The following ATP9B variants were observed in gnomAD, a reference collection of about 807,000 sequenced individuals.
ATP9B encodes ATPase phospholipid transporting 9B, also known as probable phospholipid-transporting ATPase IIB.
In ATP9B, 110 loss-of-function variants were observed where a neutral mutation model predicts 146.1. That is an observed-to-expected ratio of 0.75 (90% CI 0.65 to 0.88). ATP9B has a LOEUF of 0.88. Among genes scored for constraint, ATP9B ranks in the 40% least tolerant of loss-of-function variants. The probability of loss-of-function intolerance (pLI) is 0.00; values close to 1 mark genes in which losing one functional copy is unlikely to be tolerated. For missense variants in ATP9B, 1,499 were observed against 1,496.4 expected, an observed-to-expected ratio of 1.00 and a Z score of -0.03; for synonymous variants, 604 against 569.7, an observed-to-expected ratio of 1.06 and a Z score of -0.86.
In ATP9B at chr18:79,114,051, A is replaced by G. The variant is rs559577612; in HGVS notation, c.558+697A>G. ...AGTGGCACAATCTCGGCCCACTGCA[A>G]CCTCCGCCTCCCGGGTGCAAGCAGT... is the stretch of plus-strand genomic sequence containing the variant. On this transcript the variant is annotated intron_variant, in intron 4 of 29. Transcript: ENST00000426216. Among the ~76,000 whole-genome samples the G allele has an allele frequency of 2.0e-5, 3 of 152,098 alleles. No individual in the cohort carries two copies. The East Asian group carries it at 5.8e-4, about 29-fold the overall frequency.
intron 11 of ATP9B, among the ~76,000 whole-genome samples, chr18:79,227,154 C>T (rs1257908712): frequency 2.0e-5 from 3 of 152,140 alleles, no homozygotes; most frequent in African/African-American, 7.2e-5. Context: ...CTCTGTCGTA[C>T]TATCATGAAC....
At chr18:79,238,132 G>A (rs1459186700) in intron 11 of ATP9B, among the ~76,000 whole-genome samples, 1 of 151,930 alleles carries the variant, frequency 6.6e-6, no homozygotes, top group East Asian at 1.9e-4. Context: ...CAAATTGATT[G>A]CCTACAATAA....
chr18:79,328,618 T>C (rs1245787888), intron 15 of ATP9B, among the ~76,000 whole-genome samples: 1 of 152,236 alleles, frequency 6.6e-6, no homozygotes, highest in African/African-American at 2.4e-5. Context: ...TCTCCTTGTC[T>C]ATCTTGTCTC....
chr18:79,373,736 G>C (rs112928528), intron 27 of ATP9B, among the ~76,000 whole-genome samples, 162 bp from the exon 28 acceptor site: 1 of 152,112 alleles, frequency 6.6e-6, no homozygotes, highest in African/African-American at 2.4e-5. Context: ...TGATCCACCC[G>C]CCTCAGCCTC....
At chr18:79,114,608 A>T (rs978995577) in intron 4 of ATP9B, among the ~76,000 whole-genome samples, 3 of 152,190 alleles carry the variant, frequency 2.0e-5, no homozygotes, top group African/African-American at 4.8e-5. Flanking sequence ...CATAGACTTC[A>T]TAGTAGGGTG....
chr18:79,315,930 CATT>C (rs2096677302), intron 15 of ATP9B, among the ~76,000 whole-genome samples: 1 of 152,198 alleles, frequency 6.6e-6, no homozygotes, highest in Non-Finnish European at 1.5e-5. Context: ...TCAAGAATCA[CATT>C]ATTAGAGATT....
chr18:79,088,653 C>T (rs545272814), intron 1 of ATP9B, among the ~76,000 whole-genome samples: 9 of 152,284 alleles, frequency 5.9e-5, no homozygotes, highest in African/African-American at 1.7e-4. Context: ...GCCATTTCTC[C>T]TAACACATTT....
chr18:79,173,083 T>C (rs1024192416), intron 7 of ATP9B, among the ~76,000 whole-genome samples: 1 of 152,232 alleles, frequency 6.6e-6, no homozygotes, highest in African/African-American at 2.4e-5. Context: ...CGTTCCGTTA[T>C]GGCTGGCGAC....
At chr18:79,336,530 C>T in intron 17 of ATP9B, 98 bp from the exon 18 acceptor site, 3 of 1,092,918 alleles carry the variant, frequency 2.7e-6, no homozygotes, top group South Asian at 1.4e-5. Flanking sequence ...GACATGAGGG[C>T]AGGGCACCAG....
intron 5 of ATP9B, among the ~76,000 whole-genome samples, chr18:79,134,024 C>T (rs914692027): frequency 6.6e-6 from 1 of 152,236 alleles, no homozygotes; most frequent in Non-Finnish European, 1.5e-5. Flanking sequence ...TCCAAAAGTG[C>T]ATCTGATGCC....
intron 1 of ATP9B, among the ~76,000 whole-genome samples, chr18:79,081,358 G>A (rs1251744607): frequency 6.6e-6 from 1 of 152,098 alleles, no homozygotes; most frequent in Non-Finnish European, 1.5e-5. Context: ...GAGGGTATAT[G>A]TGTCCAGGAA....
At chr18:79,076,630 T>G (rs1035964510) in intron 1 of ATP9B, among the ~76,000 whole-genome samples, 2 of 152,210 alleles carry the variant, frequency 1.3e-5, no homozygotes, top group Non-Finnish European at 2.9e-5. Context: ...GGTCTTGGTA[T>G]GGATTTCTTC....
Position 79,218,721 on chromosome 18 carries a change from A to G in ATP9B, c.1107+4683A>G, listed in dbSNP as rs890086013. ...CCTGTCTTGGAAACACATTTCCATG[A>G]CCACTGGGATAAGAAAATACTGATG... On this transcript the variant is annotated intron_variant, in intron 11 of 29. Transcript: ENST00000426216. 2.8e-4 allele frequency among the ~76,000 whole-genome samples: 42 copies of G among 152,210 alleles called. 1 individual carries two copies. Among genetic ancestry groups the G allele is most frequent in the African/African-American group, 9.6e-4 (40 of 41,452 alleles).
intron 9 of ATP9B, among the ~76,000 whole-genome samples, chr18:79,196,630 C>T (rs1193381410): frequency 2.0e-5 from 3 of 152,162 alleles, no homozygotes; most frequent in African/African-American, 7.2e-5. Flanking sequence ...AAAATACACA[C>T]CTCACCAAAA....
At chr18:79,157,396 CAAAAAAAAAAAAA>C (rs147316668) in intron 7 of ATP9B, among the ~76,000 whole-genome samples, 493 of 48,638 alleles carry the variant, frequency 0.01, 2 homozygotes, top group Non-Finnish European at 0.013. Context: ...AACTCCATCT[CAAAAAAAAAAAAA>C]AAAAAAAAAA....
At chr18:79,242,351 T>G (rs778545397) in intron 11 of ATP9B, among the ~76,000 whole-genome samples, 7 of 152,220 alleles carry the variant, frequency 4.6e-5, no homozygotes, top group Non-Finnish European at 7.3e-5. Flanking sequence ...ATATCCTGAT[T>G]TGAAGTCTAA....
At chr18:79,130,346 A>G (rs2094356674) in intron 5 of ATP9B, among the ~76,000 whole-genome samples, 1 of 151,680 alleles carries the variant, frequency 6.6e-6, no homozygotes, top group African/African-American at 2.4e-5. Context: ...CAGTAGCAGA[A>G]TTGAGCACAC....
chr18:79,242,112 T>C (rs2095895023), intron 11 of ATP9B, among the ~76,000 whole-genome samples: 1 of 152,238 alleles, frequency 6.6e-6, no homozygotes, highest in Non-Finnish European at 1.5e-5. Flanking sequence ...GGTGACCATT[T>C]TGCGAGGGTT....
rs148959078 is a variant in ATP9B, at chr18:79,099,637, A to G, written c.293+2988A>G. Among the ~76,000 whole-genome samples the G allele has an allele frequency of 4.9e-3, 748 of 152,074 alleles. 5 individuals are homozygous for G. Among genetic ancestry groups the G allele is most frequent in the South Asian group, 0.025 (122 of 4,812 alleles). ...TCCTAGTTAACTTTTTATAATTATT[A>G]TCATTTTAAATAGAGACCAGGTCTT... On this transcript the variant is annotated intron_variant, in intron 2 of 29. Transcript: ENST00000426216.
Sources: allele counts gnomAD v4.1 joint callset (sites outside exome capture counted in the v4.1 genomes callset), GRCh38; gene constraint gnomAD v4.1.1; transcripts MANE v1.5; gene names NCBI Gene and HGNC (gene_info 2026-07-23, HGNC 2026-07-21).